Variants in CEP112 observed in about 807,000 individuals in gnomAD.
The protein encoded by CEP112 is centrosomal protein of 112 kDa.
CEP112 carries 127 observed loss-of-function variants against 153.0 expected under a neutral mutation model. The ratio of observed to expected loss-of-function variants is 0.83; its 90% CI spans 0.72 to 0.96. The LOEUF is 0.96. CEP112 is among the 40% of genes least tolerant of loss of function. The pLI is 0.00. For synonymous variants in CEP112, 358 were observed against 374.4 expected, an observed-to-expected ratio of 0.96 and a Z score of 0.51; for missense variants, 1,089 against 1,101.2, an observed-to-expected ratio of 0.99 and a Z score of 0.16.
chr17:66,085,709 T>C (rs556442224), intron 8 of CEP112, among the ~76,000 whole-genome samples: 6 of 152,296 alleles, frequency 3.9e-5, no homozygotes, highest in African/African-American at 1.4e-4. Flanking sequence ...CTGAGCACGG[T>C]GGCTCACGCC....
intron 17 of CEP112, among the ~76,000 whole-genome samples, chr17:65,996,468 G>A (rs908678999): frequency 3.9e-5 from 6 of 151,932 alleles, no homozygotes; most frequent in South Asian, 4.1e-4. Flanking sequence ...ATTATTTGTC[G>A]AAGTTTATTA....
chr17:65,957,689 T>C (rs954309064), intron 18 of CEP112, among the ~76,000 whole-genome samples: 2 of 152,132 alleles, frequency 1.3e-5, no homozygotes, highest in African/African-American at 4.8e-5. Context: ...ATTACAATTA[T>C]ATACTCTATC....
chr17:66,157,199 C>T (rs190736684), intron 4 of CEP112, among the ~76,000 whole-genome samples: 1 of 152,084 alleles, frequency 6.6e-6, no homozygotes, highest in Non-Finnish European at 1.5e-5. Context: ...ACCCTACAAG[C>T]CAGAAGAGAG....
At chr17:65,874,123 T>C (rs1336235031) in intron 20 of CEP112, among the ~76,000 whole-genome samples, 1 of 152,164 alleles carries the variant, frequency 6.6e-6, no homozygotes, top group Non-Finnish European at 1.5e-5. Context: ...ATTTGAAATC[T>C]TTATAAATAT....
chr17:66,011,904 T>C (rs997904553), intron 16 of CEP112, among the ~76,000 whole-genome samples: 1 of 152,178 alleles, frequency 6.6e-6, no homozygotes, highest in Non-Finnish European at 1.5e-5. Flanking sequence ...TGGGTGCTCC[T>C]GTATTGGGTG....
intron 20 of CEP112, among the ~76,000 whole-genome samples, chr17:65,876,335 G>T (rs1400131207): frequency 1.3e-5 from 2 of 152,104 alleles, no homozygotes; most frequent in African/African-American, 4.8e-5. Flanking sequence ...ATACAATATT[G>T]AATATTGGCT....
chr17:66,132,753 A>C lies in CEP112; in HGVS notation c.481T>G (p.Tyr161Asp). 1 of 1,612,336 alleles carries C rather than the reference A, an allele frequency of 6.2e-7. No individual in the cohort carries two copies. The highest frequency in any genetic ancestry group is 8.5e-7 in the Non-Finnish European group (1 of 1,178,350). Reference protein sequence around the residue: ...SPTDVYSREQYTGKLRVRSHS... With the variant: ...SPTDVYSREQDTGKLRVRSHS... ...GATCTCACTCGGAGCTTCCCAGTGT[A>C]CTGTTCCCTGCTAAGAGACCAAAAT... The change falls in exon 5 of 27, where the codon TAC becomes GAC. Residue 161 changes from tyrosine (Y) to aspartate (D), a missense_variant. By Grantham distance (160) the Tyr-to-Asp change is radical. Transcript: ENST00000535342.
intron 6 of CEP112, among the ~76,000 whole-genome samples, chr17:66,101,684 T>C (rs968433810): frequency 2.6e-5 from 4 of 152,100 alleles, no homozygotes; most frequent in Non-Finnish European, 5.9e-5. Context: ...TTGATAATTA[T>C]CTTATATTTT....
chr17:66,135,990 A>C (rs576889826), intron 4 of CEP112, among the ~76,000 whole-genome samples: 1 of 152,276 alleles, frequency 6.6e-6, no homozygotes, highest in South Asian at 2.1e-4. Context: ...ATTCAACAAC[A>C]ATACATAGAC....
intron 8 of CEP112, among the ~76,000 whole-genome samples, chr17:66,095,492 G>A (rs1406200194): frequency 6.6e-6 from 1 of 152,108 alleles, no homozygotes. Context: ...GTAGAGAAAT[G>A]GTGGTTATGA....
chr17:65,793,399 C>T (rs930347828), intron 21 of CEP112, among the ~76,000 whole-genome samples: 5 of 152,112 alleles, frequency 3.3e-5, no homozygotes, highest in Non-Finnish European at 2.9e-5. Flanking sequence ...GGGCTTAATA[C>T]CCAGGTGATG....
At chr17:65,786,486 TACTG>T (rs1160472875) in intron 21 of CEP112, among the ~76,000 whole-genome samples, 1 of 152,108 alleles carries the variant, frequency 6.6e-6, no homozygotes, top group Non-Finnish European at 1.5e-5. Context: ...TTTCCTTGGT[TACTG>T]ACGATATGAG....
intron 21 of CEP112, among the ~76,000 whole-genome samples, chr17:65,787,101 C>G (rs9989482): frequency 0.32 from 47,965 of 152,098 alleles, 9,553 homozygotes; most frequent in Middle Eastern, 0.45. Context: ...TACTAACGTC[C>G]ATACCTTTGC....
chr17:66,172,026 TC>T (rs2072263763), intron 4 of CEP112, among the ~76,000 whole-genome samples: 1 of 152,022 alleles, frequency 6.6e-6, no homozygotes, highest in Non-Finnish European at 1.5e-5. Flanking sequence ...GAAAAAAAAA[TC>T]CTTTTAGGCC....
intron 19 of CEP112, among the ~76,000 whole-genome samples, chr17:65,906,064 C>T (rs900046069): frequency 1.3e-5 from 2 of 152,076 alleles, no homozygotes; most frequent in African/African-American, 2.4e-5. Flanking sequence ...AAATGTGGCA[C>T]ATTTACACCA....
intron 19 of CEP112, among the ~76,000 whole-genome samples, chr17:65,924,849 C>G (rs988089060): frequency 1.3e-5 from 2 of 152,180 alleles, no homozygotes; most frequent in Non-Finnish European, 2.9e-5. Context: ...CAGTGGTCAA[C>G]CCTGTAATTA....
chr17:65,841,415 C>A (rs2057511867), intron 21 of CEP112, among the ~76,000 whole-genome samples: 2 of 151,976 alleles, frequency 1.3e-5, no homozygotes, highest in African/African-American at 4.8e-5. Context: ...ACAAATATTG[C>A]ATGTTTTCAT....
intron 20 of CEP112, among the ~76,000 whole-genome samples, chr17:65,881,747 T>G (rs1016061211): frequency 6.6e-6 from 1 of 152,220 alleles, no homozygotes; most frequent in Non-Finnish European, 1.5e-5. Context: ...ATTTAGTTTA[T>G]GTACCAGAGA....
At chr17:65,962,981 C>T (rs2062267835) in intron 17 of CEP112, among the ~76,000 whole-genome samples, 1 of 152,180 alleles carries the variant, frequency 6.6e-6, no homozygotes, top group Non-Finnish European at 1.5e-5. Context: ...CATTTATTCT[C>T]ACAGTAAACC....
Sources: allele counts gnomAD v4.1 joint callset (sites outside exome capture counted in the v4.1 genomes callset), GRCh38; gene constraint gnomAD v4.1.1; transcripts MANE v1.5; gene names NCBI Gene and HGNC (gene_info 2026-07-23, HGNC 2026-07-21).